GRM1: variants seen among roughly 807,000 people sequenced by gnomAD.
GRM1 encodes metabotropic glutamate receptor 1.
In GRM1, 33 loss-of-function variants were observed where a neutral mutation model predicts 90.9. That is an observed-to-expected ratio of 0.36 (90% CI 0.28 to 0.49). GRM1 has a LOEUF of 0.49. Among genes scored for constraint, GRM1 ranks in the 20% least tolerant of loss-of-function variants. The probability of loss-of-function intolerance (pLI) is 0.99; values close to 1 mark genes in which losing one functional copy is unlikely to be tolerated. For synonymous variants in GRM1, 700 were observed against 613.2 expected, an observed-to-expected ratio of 1.14 and a Z score of -2.09; for missense variants, 1,190 against 1,534.3, an observed-to-expected ratio of 0.78 and a Z score of 3.75.
chr6:146,073,805 G>A (rs989738011), intron 1 of GRM1, among the ~76,000 whole-genome samples: 2 of 152,082 alleles, frequency 1.3e-5, no homozygotes, highest in African/African-American at 4.8e-5. Context: ...ATCTGTATCT[G>A]GAATGATGAA....
At chr6:146,117,088 A>G (rs906622449) in intron 1 of GRM1, among the ~76,000 whole-genome samples, 2 of 150,634 alleles carry the variant, frequency 1.3e-5, no homozygotes, top group Non-Finnish European at 3.0e-5. Flanking sequence ...TTTTTATTCT[A>G]TTCTATGAAT....
chr6:146,085,695 G>A (rs1776519243), intron 1 of GRM1, among the ~76,000 whole-genome samples: 1 of 152,152 alleles, frequency 6.6e-6, no homozygotes, highest in South Asian at 2.1e-4. Flanking sequence ...CTACTTAATC[G>A]ACTGTAGACA....
chr6:146,277,817 C>T (rs367945286), intron 2 of GRM1, among the ~76,000 whole-genome samples: 1 of 152,152 alleles, frequency 6.6e-6, no homozygotes, highest in African/African-American at 2.4e-5. Context: ...TGGTTCAAGA[C>T]AGTCTTTTAA....
At chr6:146,429,449 A>G (rs1295390563) in intron 7 of GRM1, among the ~76,000 whole-genome samples, 1 of 152,208 alleles carries the variant, frequency 6.6e-6, no homozygotes, top group Non-Finnish European at 1.5e-5. Context: ...TGTATTGATG[A>G]CAAACTCGAG....
chr6:146,356,302 C>T (rs774150519), intron 4 of GRM1, among the ~76,000 whole-genome samples: 33 of 152,270 alleles, frequency 2.2e-4, no homozygotes, highest in African/African-American at 5.8e-4. Flanking sequence ...AAATGTCTTG[C>T]GCACAGTCCT....
chr6:146,261,514 AAACTAATTCT>A (rs1781696133), intron 2 of GRM1, among the ~76,000 whole-genome samples: 1 of 152,162 alleles, frequency 6.6e-6, no homozygotes, highest in Admixed American at 6.5e-5. Context: ...AAGATTTTCT[AAACTAATTCT>A]GACTGTAAAC....
At chr6:146,071,932 C>T (rs1003168980) in intron 1 of GRM1, among the ~76,000 whole-genome samples, 2 of 152,118 alleles carry the variant, frequency 1.3e-5, no homozygotes, top group Admixed American at 6.6e-5. Context: ...AACAAATTAA[C>T]AGCTGAGAGC....
At chr6:146,291,415 G>A (rs1470401947) in intron 2 of GRM1, among the ~76,000 whole-genome samples, 1 of 150,774 alleles carries the variant, frequency 6.6e-6, no homozygotes, top group African/African-American at 2.4e-5. Flanking sequence ...ACTTTGTAAA[G>A]CCTTCCTTGA....
chr6:146,358,080 G>A lies in GRM1; in HGVS notation c.1602+386G>A, dbSNP rs767896237. 1.2e-4 allele frequency among the ~76,000 whole-genome samples: 19 copies of A among 152,308 alleles called. 1 individual carries two copies. Among genetic ancestry groups the A allele is most frequent in the Admixed American group, 6.5e-4 (10 of 15,300 alleles). On this transcript the variant is annotated intron_variant, in intron 5 of 7. Coordinates refer to ENST00000282753, the MANE Select transcript of GRM1 (RefSeq NM_001278064.2). ...GCAGAAGCTGAACAATGCTAAATAA[G>A]CAAACAACCAAAATACCAGAAGTTG...
intron 1 of GRM1, among the ~76,000 whole-genome samples, chr6:146,108,698 T>C (rs968263384): frequency 6.6e-5 from 10 of 152,144 alleles, no homozygotes; most frequent in Admixed American, 2.6e-4. Context: ...CAGGCAAAGG[T>C]TGGGACAGTT....
chr6:146,038,007 A>G (rs1368430742), intron 1 of GRM1, among the ~76,000 whole-genome samples: 1 of 152,012 alleles, frequency 6.6e-6, no homozygotes, highest in Non-Finnish European at 1.5e-5. Flanking sequence ...ATCTTGTAAT[A>G]AAAGTCCTTT....
chr6:146,110,800 C>G (rs1229436422), intron 1 of GRM1, among the ~76,000 whole-genome samples: 1 of 152,088 alleles, frequency 6.6e-6, no homozygotes. Flanking sequence ...AGGAATCAAA[C>G]TGAAATCAAA....
intron 1 of GRM1, among the ~76,000 whole-genome samples, chr6:146,041,760 T>G (rs1369314184): frequency 6.6e-6 from 1 of 152,050 alleles, no homozygotes; most frequent in African/African-American, 2.4e-5. Context: ...GATGATAATC[T>G]TGACACTAGA....
chr6:146,107,472 G>A (rs1775356212), intron 1 of GRM1, among the ~76,000 whole-genome samples: 1 of 151,980 alleles, frequency 6.6e-6, no homozygotes, highest in South Asian at 2.1e-4. Flanking sequence ...GCTTCCTGCA[G>A]GCAATTGCAG....
chr6:146,200,052 G>A (rs953924808), intron 2 of GRM1, among the ~76,000 whole-genome samples: 1 of 152,094 alleles, frequency 6.6e-6, no homozygotes, highest in African/African-American at 2.4e-5. Context: ...GTCCTCAGAG[G>A]CATCCATCCA....
chr6:146,143,353 A>G (rs903835265), intron 1 of GRM1, among the ~76,000 whole-genome samples: 2 of 152,202 alleles, frequency 1.3e-5, no homozygotes, highest in African/African-American at 2.4e-5. Context: ...CTGAGAGCTT[A>G]GTAATAGGGT....
intron 1 of GRM1, 83 bp downstream of exon 1, chr6:146,030,300 T>C: frequency 1.0e-6 from 1 of 1,000,390 alleles, no homozygotes; most frequent in Non-Finnish European, 1.6e-6. Context: ...GTATTGTTCC[T>C]GTTTATTTCT....
At chr6:146,426,525 G>A (rs775614878) in intron 7 of GRM1, 26 of 1,593,572 alleles carry the variant, frequency 1.6e-5, no homozygotes, top group East Asian at 4.5e-5. Context: ...TAACCCCCTC[G>A]CTCACTGGGT....
At chr6:146,398,380 T>G (rs1055368291) in intron 6 of GRM1, among the ~76,000 whole-genome samples, 3 of 152,232 alleles carry the variant, frequency 2.0e-5, no homozygotes, top group Non-Finnish European at 4.4e-5. Flanking sequence ...AGTTTATTTC[T>G]TAATAATTTA....
Sources: gnomAD v4.1 joint callset for allele counts (sites outside exome capture counted in the v4.1 genomes callset) on GRCh38, gnomAD v4.1.1 for gene constraint, MANE v1.5 for transcripts, NCBI Gene and HGNC (gene_info 2026-07-23, HGNC 2026-07-21) for gene names.